The following ADRA1A variants were observed in gnomAD, a reference collection of about 807,000 sequenced individuals.
ADRA1A encodes alpha-1A adrenergic receptor.
Under a neutral mutation model 29.6 loss-of-function variants are expected in ADRA1A, and 31 were observed. The ratio of observed to expected loss-of-function variants is 1.05; its 90% confidence interval spans 0.79 to 1.41. The LOEUF is 1.41. Ranked by LOEUF, ADRA1A falls within the 40% of genes most tolerant of loss-of-function variation. The pLI is 0.00. For missense variants in ADRA1A, 619 were observed against 601.1 expected (o/e 1.03, Z -0.31); for synonymous variants, 311 against 254.3 (o/e 1.22, Z -2.12).
chr8:26,865,397 T>G lies in ADRA1A; in HGVS notation c.-428A>C, dbSNP rs1238187655. 2 of 1,005,886 alleles carry G rather than the reference T, an allele frequency of 2.0e-6. No homozygotes were observed. Among genetic ancestry groups the G allele is most frequent in the Non-Finnish European group, 1.2e-6 (1 of 842,482 alleles). The allele number at this position is 1,005,886 out of a possible 1,614,324, so 62.3% of individuals were successfully genotyped here. On this transcript the variant is annotated 5_prime_UTR_variant, in exon 2 of 3. Coordinates refer to ENST00000380573, the MANE Select transcript of ADRA1A (RefSeq NM_000680.4). This position sits in a 1 kb window ranked among gnomAD's most constrained non-coding sequence, Gnocchi z 7.6. The stretch of plus-strand genomic sequence containing the variant: ...GAAGATTCAGCATTCTGCACATGAT[T>G]CGGAATTCAAAACTCCAGCGCCAGT...
Position 26,796,727 on chromosome 8 carries a change from G to T in ADRA1A, c.884-26061C>A, listed in dbSNP as rs894894680. On this transcript the variant is annotated intron_variant, in intron 2 of 2. Transcript: ENST00000380573. This position sits in a 1 kb window ranked among gnomAD's most constrained non-coding sequence, Gnocchi z 5.0. ...AGTGGATAGAGAGATGATTAATTTC[G>T]AAAGGGGGGTACAAGATGAAGGGAC... is the stretch of plus-strand genomic sequence containing the variant. Among the ~76,000 whole-genome samples, 1 of 152,076 alleles carries T rather than the reference G, an allele frequency of 6.6e-6. No homozygotes were observed. The highest frequency in any genetic ancestry group is 1.5e-5 in the Non-Finnish European group (1 of 67,996).
At chr8:26,786,058 G>A (rs757545289) in intron 2 of ADRA1A, among the ~76,000 whole-genome samples, 5 of 151,868 alleles carry the variant, frequency 3.3e-5, no homozygotes, top group Non-Finnish European at 5.9e-5. Flanking sequence ...ACTCTAATTC[G>A]GTGACATTTC....
intron 2 of ADRA1A, among the ~76,000 whole-genome samples, chr8:26,837,144 G>GA (rs35647991): frequency 0.22 from 32,380 of 146,358 alleles, 3,638 homozygotes; most frequent in Non-Finnish European, 0.26. Flanking sequence ...CTTGTCAATA[G>GA]AAAAAAAAAA....
chr8:26,758,623 A>C (rs1325202066), intron 2 of ADRA1A, among the ~76,000 whole-genome samples: 1 of 152,186 alleles, frequency 6.6e-6, no homozygotes, highest in Non-Finnish European at 1.5e-5. Flanking sequence ...CAGAGATGGG[A>C]ACTGCAATGA....
At chr8:26,755,778 T>C (rs749611711), downstream of ADRA1A, among the ~76,000 whole-genome samples, 56 of 152,134 alleles carry the variant, frequency 3.7e-4, no homozygotes, top group Non-Finnish European at 6.5e-4. Flanking sequence ...CCCCCTGGAC[T>C]TGGCGCTGGA....
At chr8:26,856,062 C>T (rs964429371) in intron 2 of ADRA1A, among the ~76,000 whole-genome samples, 2 of 152,194 alleles carry the variant, frequency 1.3e-5, no homozygotes, top group East Asian at 3.8e-4. Flanking sequence ...TTGATGTCTT[C>T]TGAGCCTGCA....
chr8:26,837,060 C>T (rs1051963385), intron 2 of ADRA1A, among the ~76,000 whole-genome samples: 6 of 151,988 alleles, frequency 3.9e-5, no homozygotes, highest in African/African-American at 1.5e-4. Context: ...CCTCACTCTG[C>T]CTAATAGAAC....
chr8:26,811,896 T>C (rs1809423467), intron 2 of ADRA1A, among the ~76,000 whole-genome samples: 3 of 152,200 alleles, frequency 2.0e-5, no homozygotes. Context: ...CACATTGTTA[T>C]ATGCATCAGT....
intron 2 of ADRA1A, among the ~76,000 whole-genome samples, chr8:26,837,391 C>T (rs891579320): frequency 3.3e-5 from 5 of 152,222 alleles, no homozygotes; most frequent in East Asian, 1.9e-4. Context: ...CAACTCACAC[C>T]GGTAATCCCA....
intron 2 of ADRA1A, among the ~76,000 whole-genome samples, chr8:26,803,490 A>C (rs1252563220): frequency 6.6e-6 from 1 of 152,200 alleles, no homozygotes; most frequent in African/African-American, 2.4e-5. Flanking sequence ...TAAGAAGAAA[A>C]CATCGAAAAA....
At chr8:26,766,193 G>T, downstream of ADRA1A, 1 of 1,226,706 alleles carries the variant, frequency 8.2e-7, no homozygotes, top group Non-Finnish European at 1.2e-6. Context: ...GAGTGAGAGT[G>T]AGTTATGTCG....
intron 2 of ADRA1A, among the ~76,000 whole-genome samples, chr8:26,781,137 C>T (rs1806950921): frequency 1.3e-5 from 2 of 152,204 alleles, no homozygotes; most frequent in African/African-American, 4.8e-5. Context: ...GAACACTGCT[C>T]TATAGCCCTT....
downstream of ADRA1A, among the ~76,000 whole-genome samples, chr8:26,754,190 C>A (rs1805048745): frequency 1.3e-5 from 2 of 152,146 alleles, no homozygotes; most frequent in South Asian, 4.1e-4. Context: ...AAATTAAACT[C>A]TTTGAAGCCA....
At chr8:26,818,176 G>C (rs1311728041) in intron 2 of ADRA1A, among the ~76,000 whole-genome samples, 1 of 152,224 alleles carries the variant, frequency 6.6e-6, no homozygotes, top group Non-Finnish European at 1.5e-5. Flanking sequence ...GGGGTGGACA[G>C]ACGGTTTGAC....
At chr8:26,753,763 A>G (rs1805027742), downstream of ADRA1A, among the ~76,000 whole-genome samples, 1 of 152,220 alleles carries the variant, frequency 6.6e-6, no homozygotes, top group Non-Finnish European at 1.5e-5. Context: ...TACCCACTCC[A>G]TTTCTCAAGA....
In ADRA1A at chr8:26,864,743, G is replaced by T. The variant is rs758905419; in HGVS notation, c.227C>A (p.Thr76Asn). 26 of 1,614,050 alleles carry T rather than the reference G, an allele frequency of 1.6e-5. No homozygotes were observed. The highest frequency in any genetic ancestry group is 2.1e-5 in the Non-Finnish European group (25 of 1,180,026). ...VNLAVADLLL[T>N]STVLPFSAIF... Reference sequence around the variant, plus strand: ...GGCGGAGAAGGGCAGCACCGTGGAGGTGAGCAGGAGGTCGGCCACCGCCAG... The same window carrying T: ...GGCGGAGAAGGGCAGCACCGTGGAGTTGAGCAGGAGGTCGGCCACCGCCAG... The change falls in exon 2 of 3, where the codon ACC becomes AAC. Residue 76 changes from threonine to asparagine, a missense_variant. By Grantham distance (65) the Thr-to-Asn change is moderately conservative (BLOSUM62 0). Coordinates refer to ENST00000380573, the MANE Select transcript of ADRA1A (RefSeq NM_000680.4). This position sits in a 1 kb window ranked among gnomAD's most constrained non-coding sequence, Gnocchi z 8.1.
chr8:26,805,872 C>A lies in ADRA1A; in HGVS notation c.884-35206G>T, dbSNP rs139258917. ...TATTAACAGAGCCAAAGCCAAGTGA[C>A]GTTGGCCCTTGATAAAGACACAGCT... is the stretch of plus-strand genomic sequence containing the variant. On this transcript the variant is annotated intron_variant, in intron 2 of 2. Transcript: ENST00000380573. This position sits in a 1 kb window ranked among gnomAD's most constrained non-coding sequence, Gnocchi z 4.8. Among the ~76,000 whole-genome samples the A allele has an allele frequency of 2.0e-5, 3 of 152,144 alleles. No homozygotes were observed. The South Asian group carries it at 6.2e-4, about 31-fold the overall frequency.
Position 26,866,924 on chromosome 8 carries a change from C to T in ADRA1A, c.-687+12G>A. 1.0e-6 allele frequency: 1 copy of T among 985,418 alleles called. No individual in the cohort carries two copies. Among genetic ancestry groups the T allele is most frequent in the Non-Finnish European group, 1.2e-6 (1 of 829,968 alleles). 61.0% of individuals were successfully genotyped at this position (985,418 alleles called of 1,614,324 possible). A position where few individuals can be genotyped will look rare whatever the true frequency, so the allele number is the denominator to read the frequency against. On this transcript the variant is annotated intron_variant, in intron 1 of 2. Transcript: ENST00000380573. This position sits in a 1 kb window ranked among gnomAD's most constrained non-coding sequence, Gnocchi z 5.7. ...ACTCGGCCCTGCGGGACGCCGGCCC[C>T]GGCGCACTCACCTGAAGCGCCGCTG...
downstream of ADRA1A, among the ~76,000 whole-genome samples, chr8:26,752,070 AT>A (rs1276944784): frequency 3.9e-5 from 6 of 151,988 alleles, no homozygotes; most frequent in Non-Finnish European, 8.8e-5. Flanking sequence ...TCATGTGGCA[AT>A]TTTGTTTTTT....
Sources: gnomAD v4.1 joint callset for allele counts (sites outside exome capture counted in the v4.1 genomes callset) on GRCh38, gnomAD v4.1.1 for gene constraint, Gnocchi (gnomAD v3.1) non-coding constraint, MANE v1.5 for transcripts, NCBI Gene and HGNC (gene_info 2026-07-23, HGNC 2026-07-21) for gene names.